COP1: variants seen among roughly 807,000 people sequenced by gnomAD.
COP1 encodes COP1 E3 ubiquitin ligase.
COP1 carries 24 observed loss-of-function variants against 101.3 expected under a neutral mutation model. The observed-to-expected ratio is 0.24, with a 90% CI of 0.17 to 0.33. COP1 has a LOEUF of 0.33. COP1 is among the 10% of genes least tolerant of loss of function. COP1 has a pLI of 1.00. For synonymous variants in COP1, 347 were observed against 341.9 expected (o/e 1.01, Z -0.17); for missense variants, 663 against 906.2 (o/e 0.73, Z 3.45).
chr1:176,060,200 C>T (rs1001887872), intron 11 of COP1, among the ~76,000 whole-genome samples: 1 of 152,204 alleles, frequency 6.6e-6, no homozygotes, highest in Non-Finnish European at 1.5e-5. Flanking sequence ...CTTATTCCCT[C>T]TGGCTATCAT....
chr1:176,005,431 T>C (rs1662896817), intron 15 of COP1, among the ~76,000 whole-genome samples: 1 of 152,194 alleles, frequency 6.6e-6, no homozygotes, highest in Non-Finnish European at 1.5e-5. Context: ...CTAGTTCTTT[T>C]AATTGTGATG....
At chr1:176,148,194 A>C (rs1691872004) in intron 6 of COP1, among the ~76,000 whole-genome samples, 1 of 152,184 alleles carries the variant, frequency 6.6e-6, no homozygotes, top group Non-Finnish European at 1.5e-5. Flanking sequence ...ATCTAGTCAC[A>C]AACCACATAA....
At chr1:176,008,067 T>C (rs1348189614) in intron 15 of COP1, among the ~76,000 whole-genome samples, 2 of 152,224 alleles carry the variant, frequency 1.3e-5, no homozygotes, top group East Asian at 3.9e-4. Flanking sequence ...TTTAAGCCGG[T>C]CGGAAAAGCG....
At chr1:176,030,429 A>G (rs1668468135) in intron 14 of COP1, among the ~76,000 whole-genome samples, 1 of 152,180 alleles carries the variant, frequency 6.6e-6, no homozygotes, top group African/African-American at 2.4e-5. Context: ...TATAATCACT[A>G]AAAACCTTTA....
At chr1:175,958,908 T>C (rs1038343594) in intron 18 of COP1, among the ~76,000 whole-genome samples, 1 of 152,026 alleles carries the variant, frequency 6.6e-6, no homozygotes, top group Admixed American at 6.5e-5. Context: ...AATAATTTCG[T>C]ATTACACAAA....
At chr1:176,168,703 C>T in intron 3 of COP1, 1 of 333,250 alleles carries the variant, frequency 3.0e-6, no homozygotes, top group Non-Finnish European at 6.2e-6. Context: ...GGAAAGAGAG[C>T]ATTCAAAACC....
chr1:176,131,998 A>C (rs1223657439), intron 8 of COP1, among the ~76,000 whole-genome samples: 4 of 151,672 alleles, frequency 2.6e-5, no homozygotes, highest in Non-Finnish European at 4.4e-5. Context: ...TATTTTCATA[A>C]ACTTCATGAA....
intron 15 of COP1, among the ~76,000 whole-genome samples, chr1:176,005,701 A>G (rs912376897): frequency 8.6e-5 from 13 of 151,978 alleles, no homozygotes; most frequent in African/African-American, 2.7e-4. Context: ...GTTTGATTGC[A>G]CTGTGGTATG....
chr1:176,112,580 C>T (rs1424907502), intron 9 of COP1, among the ~76,000 whole-genome samples: 1 of 152,192 alleles, frequency 6.6e-6, no homozygotes, highest in African/African-American at 2.4e-5. Flanking sequence ...CAACTCTTCT[C>T]TTCTAGCTAT....
chr1:176,199,968 G>A (rs1428611959), intron 1 of COP1, among the ~76,000 whole-genome samples: 2 of 152,098 alleles, frequency 1.3e-5, no homozygotes, highest in Non-Finnish European at 2.9e-5. Context: ...CTAAATAAAG[G>A]CAAGGAAATG....
At chr1:176,061,344 T>C (rs1674801126) in intron 11 of COP1, among the ~76,000 whole-genome samples, 1 of 152,194 alleles carries the variant, frequency 6.6e-6, no homozygotes, top group Non-Finnish European at 1.5e-5. Context: ...AAACTGAACC[T>C]CGGCTAGGCA....
At chr1:175,945,646 G>C (rs1000256924) in intron 19 of COP1, among the ~76,000 whole-genome samples, 10 of 152,276 alleles carry the variant, frequency 6.6e-5, no homozygotes, top group African/African-American at 2.2e-4. Flanking sequence ...CTAGCGTCCA[G>C]ATACTTTGTA....
At chr1:175,996,555 G>A (rs905643553) in intron 15 of COP1, among the ~76,000 whole-genome samples, 109 of 151,418 alleles carry the variant, frequency 7.2e-4, no homozygotes, top group African/African-American at 2.0e-3. Context: ...CAAAGTCTCA[G>A]GATACAAAAT....
intron 11 of COP1, 27 bp downstream of exon 11, chr1:176,081,125 G>T: frequency 6.5e-7 from 1 of 1,545,730 alleles, no homozygotes; most frequent in Non-Finnish European, 8.8e-7. Context: ...TCTTACAAAA[G>T]AAAATAGTAA....
At chr1:176,107,505 T>G (rs926887866) in intron 9 of COP1, among the ~76,000 whole-genome samples, 11 of 152,116 alleles carry the variant, frequency 7.2e-5, no homozygotes, top group South Asian at 2.1e-4. Context: ...CAAGATGATT[T>G]GAGTTTCAAA....
intron 9 of COP1, among the ~76,000 whole-genome samples, chr1:176,111,051 C>T (rs575354247): frequency 4.6e-4 from 70 of 152,138 alleles, no homozygotes; most frequent in African/African-American, 1.6e-3. Flanking sequence ...ACTTGGGAGG[C>T]TGAGGCAGGA....
intron 2 of COP1, among the ~76,000 whole-genome samples, chr1:176,182,320 G>T (rs558830432): frequency 6.6e-6 from 1 of 152,206 alleles, no homozygotes; most frequent in African/African-American, 2.4e-5. Flanking sequence ...CAAAGGTTAG[G>T]TAAGTTTCAG....
At chr1:176,190,291 C>G (rs1698980901) in intron 1 of COP1, among the ~76,000 whole-genome samples, 1 of 151,956 alleles carries the variant, frequency 6.6e-6, no homozygotes, top group South Asian at 2.1e-4. Context: ...TGGTGGCACT[C>G]AAAAAGGTTC....
intron 1 of COP1, among the ~76,000 whole-genome samples, chr1:176,196,080 T>C (rs779524061): frequency 2.0e-5 from 3 of 152,118 alleles, no homozygotes; most frequent in Non-Finnish European, 4.4e-5. Flanking sequence ...ATGAGAAGTA[T>C]TATGAACTGA....
Sources: gnomAD v4.1 joint callset for allele counts (sites outside exome capture counted in the v4.1 genomes callset) on GRCh38, gnomAD v4.1.1 for gene constraint, MANE v1.5 for transcripts, NCBI Gene and HGNC (gene_info 2026-07-23, HGNC 2026-07-21) for gene names.